Variants in FRRS1 observed in about 807,000 individuals in gnomAD.
FRRS1 encodes the protein ferric chelate reductase 1, also known as ferric reductase 1.
In FRRS1, 51 loss-of-function variants were observed where a neutral mutation model predicts 70.7. The observed-to-expected ratio is 0.72, with a 90% confidence interval of 0.58 to 0.91. FRRS1 has a LOEUF of 0.91. FRRS1 is among the 40% of genes least tolerant of loss of function. FRRS1 has a pLI of 0.00. For missense variants in FRRS1, 672 were observed against 726.0 expected (o/e 0.93, Z 0.86); for synonymous variants, 225 against 238.7 (o/e 0.94, Z 0.53).
intron 1 of FRRS1, among the ~76,000 whole-genome samples, chr1:99,764,342 G>A (rs1026966280): frequency 7.9e-5 from 12 of 152,130 alleles, no homozygotes; most frequent in Non-Finnish European, 1.5e-5. Flanking sequence ...TTTTCAGGAT[G>A]GGAAGAGTGG....
chr1:99,710,091 G>C lies in FRRS1; in HGVS notation c.1624+715C>G, dbSNP rs59575744. Among the ~76,000 whole-genome samples the C allele has an allele frequency of 1.7e-3, 254 of 152,306 alleles. 6 individuals carry two copies. In the East Asian group the frequency reaches 0.046, roughly 27 times the overall value. On this transcript the variant is annotated intron_variant, in intron 15 of 16. Coordinates refer to ENST00000646001, the MANE Select transcript of FRRS1 (RefSeq NM_001361041.2). ...GACAGATATGTACTACTCAGCTCCT[G>C]AAGCCACCCCAGGCTCTCCTAAGTT...
chr1:99,745,003 A>C (rs1308927307), intron 4 of FRRS1, among the ~76,000 whole-genome samples: 2 of 151,094 alleles, frequency 1.3e-5, no homozygotes, highest in African/African-American at 2.4e-5. Flanking sequence ...AAAAAGAAAG[A>C]AAGAAAAGAA....
intron 1 of FRRS1, among the ~76,000 whole-genome samples, chr1:99,766,196 C>A (rs575104629): frequency 3.3e-5 from 5 of 151,880 alleles, no homozygotes; most frequent in African/African-American, 1.2e-4. Flanking sequence ...ACTTTAAAAA[C>A]CAAATAAGGT....
At chr1:99,709,341 G>A in intron 15 of FRRS1, 82 bp from the exon 16 acceptor site, 1 of 903,478 alleles carries the variant, frequency 1.1e-6, no homozygotes, top group Non-Finnish European at 1.8e-6. Context: ...GATTTGTACT[G>A]TTCACCCCAA....
chr1:99,760,604 A>G (rs1474686289), intron 1 of FRRS1, among the ~76,000 whole-genome samples: 2 of 152,258 alleles, frequency 1.3e-5, no homozygotes, highest in African/African-American at 4.8e-5. Flanking sequence ...TGGCACATTC[A>G]ATACCAATTT....
At chr1:99,711,706 T>C (rs1338894142) in intron 14 of FRRS1, among the ~76,000 whole-genome samples, 1 of 152,138 alleles carries the variant, frequency 6.6e-6, no homozygotes, top group Non-Finnish European at 1.5e-5. Context: ...AAAACCACCC[T>C]GCCCTGGAAG....
At chr1:99,737,388 G>A (rs1316678392) in intron 7 of FRRS1, among the ~76,000 whole-genome samples, 1 of 152,082 alleles carries the variant, frequency 6.6e-6, no homozygotes, top group Non-Finnish European at 1.5e-5. Context: ...ACTAAAATAG[G>A]ACAAAAGAGC....
At chr1:99,765,112 A>C (rs1331938639) in intron 1 of FRRS1, among the ~76,000 whole-genome samples, 1 of 152,242 alleles carries the variant, frequency 6.6e-6, no homozygotes, top group Non-Finnish European at 1.5e-5. Flanking sequence ...AAAAGCTGAC[A>C]GGTGTGAAAC....
intron 9 of FRRS1, among the ~76,000 whole-genome samples, chr1:99,720,055 A>T (rs985847793): frequency 6.6e-6 from 1 of 152,242 alleles, no homozygotes; most frequent in African/African-American, 2.4e-5. Flanking sequence ...CACCACCTGC[A>T]TATAAAATCC....
chr1:99,736,628 GAGA>G, intron 7 of FRRS1, among the ~76,000 whole-genome samples: 1 of 104,142 alleles, frequency 9.6e-6, no homozygotes, highest in Admixed American at 9.3e-5. Flanking sequence ...GTGGGGTGGG[GAGA>G]GTGGGGAGGG....
intron 14 of FRRS1, 114 bp downstream of exon 14, chr1:99,711,991 A>G (rs1032375705): frequency 1.4e-6 from 1 of 695,504 alleles, no homozygotes. Context: ...ATTTCTTCTC[A>G]ACAACCAATT....
At chr1:99,713,337 TA>T (rs1470873731) in intron 12 of FRRS1, among the ~76,000 whole-genome samples, 1 of 152,252 alleles carries the variant, frequency 6.6e-6, no homozygotes, top group Non-Finnish European at 1.5e-5. Flanking sequence ...ATCGTATTCA[TA>T]AATTGCAAAG....
intron 11 of FRRS1, among the ~76,000 whole-genome samples, chr1:99,715,899 G>A (rs1267312947): frequency 6.6e-6 from 1 of 152,000 alleles, no homozygotes; most frequent in Non-Finnish European, 1.5e-5. Flanking sequence ...ATTCAAAAGT[G>A]TTTGCCAAGA....
At chr1:99,722,182 G>A (rs955469650) in intron 9 of FRRS1, among the ~76,000 whole-genome samples, 2 of 151,558 alleles carry the variant, frequency 1.3e-5, no homozygotes, top group African/African-American at 2.4e-5. Flanking sequence ...GCTAATTTTT[G>A]TATTTTTTGT....
At chr1:99,765,858 T>C (rs1306050367) in intron 1 of FRRS1, 1 of 152,244 alleles carries the variant, frequency 6.6e-6, no homozygotes, top group Admixed American at 6.5e-5. Context: ...TGAGCCGAGA[T>C]CGCGCCACTG....
intron 9 of FRRS1, among the ~76,000 whole-genome samples, chr1:99,724,541 G>A (rs7531793): frequency 0.37 from 55,931 of 152,018 alleles, 11,013 homozygotes; most frequent in African/African-American, 0.51. Flanking sequence ...ACATTTATAC[G>A]GGTTACAGAG....
intron 4 of FRRS1, among the ~76,000 whole-genome samples, chr1:99,742,755 T>A (rs11166318): frequency 0.49 from 75,202 of 152,108 alleles, 22,605 homozygotes; most frequent in African/African-American, 0.85. Context: ...TTACTTGAAG[T>A]TCACCTCCTC....
At position 99,717,397 on chromosome 1, in the gene FRRS1, T is replaced by C. The variant is rs1340880448; in HGVS notation, c.1236+13A>G. 4.5e-6 allele frequency: 7 copies of C among 1,559,952 alleles called. No individual in the cohort carries two copies. Among genetic ancestry groups the C allele is most frequent in the Non-Finnish European group, 6.2e-6 (7 of 1,130,760 alleles). ...ACTATGAATATTGCATTGAACTTTTTTCCCTCACCTACCTGAAACCAAGCT... is the reference window on the plus strand; with the variant it reads ...ACTATGAATATTGCATTGAACTTTTCTCCCTCACCTACCTGAAACCAAGCT... On this transcript the variant is annotated intron_variant, in intron 11 of 16. Transcript: ENST00000646001.
intron 4 of FRRS1, among the ~76,000 whole-genome samples, chr1:99,743,604 A>G (rs1158217252): frequency 6.6e-6 from 1 of 152,242 alleles, no homozygotes; most frequent in Non-Finnish European, 1.5e-5. Flanking sequence ...CAGACCACAC[A>G]TGTGCCATTC....
Sources: allele counts gnomAD v4.1 joint callset (sites outside exome capture counted in the v4.1 genomes callset), GRCh38; gene constraint gnomAD v4.1.1; transcripts MANE v1.5; gene names NCBI Gene and HGNC (gene_info 2026-07-23, HGNC 2026-07-21).